Variants in RB1CC1 observed in about 807,000 individuals in gnomAD.
The protein encoded by RB1CC1 is RB1 inducible coiled-coil 1.
In RB1CC1, 46 loss-of-function variants were observed where a neutral mutation model predicts 177.5. That is an observed-to-expected ratio of 0.26 (90% CI 0.20 to 0.33). RB1CC1 has a LOEUF of 0.33. RB1CC1 is among the 10% of genes least tolerant of loss of function. The pLI is 1.00. For missense variants in RB1CC1, 1,703 were observed against 1,816.3 expected, an observed-to-expected ratio of 0.94 and a Z score of 1.13; for synonymous variants, 666 against 613.6, an observed-to-expected ratio of 1.09 and a Z score of -1.26.
chr8:52,674,392 T>C, intron 6 of RB1CC1, 118 bp from the exon 7 acceptor site: 2 of 860,636 alleles, frequency 2.3e-6, no homozygotes, highest in South Asian at 1.7e-5. Flanking sequence ...TCCATAACAT[T>C]ATACATACAT....
In RB1CC1 at chr8:52,656,360, T is replaced by C; in HGVS notation, c.3469A>G (p.Lys1157Glu). Reference sequence around the variant, plus strand: ...GCTTGGTTATGCAAAGATGTTACTTTGTTTAATTCAGCTTTAAGTATATTA... The same window carrying C: ...GCTTGGTTATGCAAAGATGTTACTTCGTTTAATTCAGCTTTAAGTATATTA... ...ESNILKAELN[K>E]VTSLHNQAFE... is the part of the protein sequence containing the mutation. Residue 1157 changes from lysine to glutamate, a missense_variant, in exon 15 of 24, where the codon AAA (lysine) becomes GAA (glutamate). Coordinates refer to ENST00000025008, the MANE Select transcript of RB1CC1 (RefSeq NM_014781.5). 2 of 1,611,626 alleles carry C rather than the reference T, an allele frequency of 1.2e-6. No homozygotes were observed. The highest frequency in any genetic ancestry group is 8.5e-7 in the Non-Finnish European group (1 of 1,179,348).
At chr8:52,652,358 C>G (rs544991625) in intron 15 of RB1CC1, among the ~76,000 whole-genome samples, 2 of 150,228 alleles carry the variant, frequency 1.3e-5, no homozygotes, top group Admixed American at 1.3e-4. Flanking sequence ...CCCAGCTACT[C>G]GGGAGGCTGA....
At chr8:52,643,183 C>T (rs1408258793) in intron 16 of RB1CC1, 1 of 162,236 alleles carries the variant, frequency 6.2e-6, no homozygotes, top group Non-Finnish European at 1.3e-5. Context: ...ATTTGATCAC[C>T]ACCCTAACAT....
intron 20 of RB1CC1, 73 bp downstream of exon 20, chr8:52,634,848 T>C: frequency 7.7e-7 from 1 of 1,294,438 alleles, no homozygotes; most frequent in Non-Finnish European, 1.1e-6. Flanking sequence ...TCTGATGGAA[T>C]ATCTTCATAA....
chr8:52,693,060 T>C (rs1482156402), intron 1 of RB1CC1, among the ~76,000 whole-genome samples: 2 of 152,210 alleles, frequency 1.3e-5, no homozygotes, highest in East Asian at 1.9e-4. Context: ...CTTGGAGTCT[T>C]GGCTAGCCAT....
In RB1CC1 at chr8:52,676,548, T is replaced by C; in HGVS notation, c.393A>G (p.Lys131=). 1.9e-6 allele frequency: 3 copies of C among 1,605,338 alleles called. No individual in the cohort carries two copies. Among genetic ancestry groups the C allele is most frequent in the Admixed American group, 1.7e-5 (1 of 57,370 alleles). The stretch of plus-strand genomic sequence containing the variant: ...CAAGACCTTCACAAAAAGAACAAAG[T>C]TTCTTGGCAACTTCATACATTTCCT... The part of the protein sequence containing the change: ...LALEMYEVAK[K]LCSFCEGLVH... The change falls in exon 6 of 24, where the codon AAA becomes AAG. Residue 131 remains lysine, a synonymous_variant. Coordinates refer to ENST00000025008, the MANE Select transcript of RB1CC1 (RefSeq NM_014781.5).
Position 52,642,787 on chromosome 8 carries a change from CT to C in RB1CC1, c.4012del (p.Arg1338GlufsTer4). On this transcript the variant is annotated frameshift_variant, in exon 17 of 24. Coordinates refer to ENST00000025008, the MANE Select transcript of RB1CC1 (RefSeq NM_014781.5). LOFTEE classifies it high-confidence loss of function. ...QQTNFNTVLT[R>X]EKMRKENIIN... ...TATGTTTTCTTTTCTCATTTTCTCT[CT>C]TGTTAAAACAGTGTTAAAATTGGTC... 1 of 1,565,048 alleles carries C rather than the reference CT, an allele frequency of 6.4e-7. No individual in the cohort carries two copies. The highest frequency in any genetic ancestry group is 1.2e-5 in the South Asian group (1 of 81,634).
At chr8:52,635,810 G>C (rs775293460) in intron 19 of RB1CC1, among the ~76,000 whole-genome samples, 3 of 152,022 alleles carry the variant, frequency 2.0e-5, no homozygotes, top group Non-Finnish European at 4.4e-5. Flanking sequence ...CAACAAATGG[G>C]AGGGCTGAAA....
At chr8:52,670,773 G>A (rs1037280161) in intron 7 of RB1CC1, among the ~76,000 whole-genome samples, 2 of 152,106 alleles carry the variant, frequency 1.3e-5, no homozygotes, top group African/African-American at 2.4e-5. Context: ...AATCAACTGA[G>A]GTGAGGAGTT....
At chr8:52,684,126 C>T in intron 3 of RB1CC1, 113 bp from the exon 4 acceptor site, 1 of 1,228,108 alleles carries the variant, frequency 8.1e-7, no homozygotes, top group Non-Finnish European at 1.1e-6. Flanking sequence ...ACTCTAAAAC[C>T]TTCCCCAAAA....
At chr8:52,649,561 T>C (rs990386153) in intron 15 of RB1CC1, among the ~76,000 whole-genome samples, 1 of 152,178 alleles carries the variant, frequency 6.6e-6, no homozygotes, top group African/African-American at 2.4e-5. Flanking sequence ...ACTTGAACCC[T>C]GGAGGCAGAG....
intron 6 of RB1CC1, 84 bp from the exon 7 acceptor site, chr8:52,674,358 T>C: frequency 8.4e-7 from 1 of 1,196,074 alleles, no homozygotes; most frequent in Non-Finnish European, 1.2e-6. Context: ...CACATATTAT[T>C]ATACACACAA....
At position 52,660,584 on chromosome 8, in the gene RB1CC1, A is replaced by G. The variant is rs1851527093; in HGVS notation, c.1689+12T>C. 1 of 1,574,812 alleles carries G rather than the reference A, an allele frequency of 6.3e-7. No individual in the cohort carries two copies. The highest frequency in any genetic ancestry group is 2.0e-5 in the Admixed American group (1 of 50,572). ...TATGGAATTTAGTCATGGTTAGAAA[A>G]TAAATACATACACAAAAGGAAGGGG... On this transcript the variant is annotated intron_variant, in intron 12 of 23. Coordinates refer to ENST00000025008, the MANE Select transcript of RB1CC1 (RefSeq NM_014781.5).
At chr8:52,628,498 A>C (rs929248105) in intron 21 of RB1CC1, among the ~76,000 whole-genome samples, 2 of 152,176 alleles carry the variant, frequency 1.3e-5, no homozygotes, top group Non-Finnish European at 2.9e-5. Context: ...TTTTTCTCCT[A>C]ATCTTTCATT....
chr8:52,678,361 G>A (rs1460667276), intron 5 of RB1CC1, among the ~76,000 whole-genome samples: 1 of 152,190 alleles, frequency 6.6e-6, no homozygotes, highest in African/African-American at 2.4e-5. Flanking sequence ...AGGTTACAGT[G>A]AGCCAAGATC....
In RB1CC1 at chr8:52,642,446, T is replaced by C; in HGVS notation, c.4242A>G (p.Ala1414=). 2 of 1,614,122 alleles carry C rather than the reference T, an allele frequency of 1.2e-6. No individual in the cohort carries two copies. The highest frequency in any genetic ancestry group is 1.7e-6 in the Non-Finnish European group (2 of 1,179,980). Residue 1414 remains alanine, a synonymous_variant, in exon 18 of 24, where the codon GCA becomes GCG. Coordinates refer to ENST00000025008, the MANE Select transcript of RB1CC1 (RefSeq NM_014781.5). ...TATCTGATTCACCTGGGAGTTCAGG[T>C]GCACAAGCTCCATAAAGTTCTGGGG... is the stretch of plus-strand genomic sequence containing the variant. The part of the protein sequence containing the change: ...ATAPELYGAC[A]PELPGESDRS...
At chr8:52,660,045 C>A (rs928817825) in intron 12 of RB1CC1, among the ~76,000 whole-genome samples, 5 of 152,142 alleles carry the variant, frequency 3.3e-5, no homozygotes, top group Admixed American at 6.6e-5. Context: ...GGGGTAAAAG[C>A]CCCCATATTG....
At chr8:52,662,657 C>T (rs1851731550) in intron 8 of RB1CC1, among the ~76,000 whole-genome samples, 1 of 151,968 alleles carries the variant, frequency 6.6e-6, no homozygotes. Flanking sequence ...ACAAGTGTGT[C>T]TTCCAATTTT....
At chr8:52,707,787 T>C (rs1212641272) in intron 1 of RB1CC1, among the ~76,000 whole-genome samples, 1 of 152,202 alleles carries the variant, frequency 6.6e-6, no homozygotes, top group Non-Finnish European at 1.5e-5. Flanking sequence ...CACTTAATTG[T>C]ACTATCTGCC....
Sources: gnomAD v4.1 joint callset for allele counts (sites outside exome capture counted in the v4.1 genomes callset) on GRCh38, gnomAD v4.1.1 for gene constraint, MANE v1.5 for transcripts, NCBI Gene and HGNC (gene_info 2026-07-23, HGNC 2026-07-21) for gene names.